PPP2R3A: variants seen among roughly 807,000 people sequenced by gnomAD.
PPP2R3A encodes the protein serine/threonine-protein phosphatase 2A regulatory subunit B'' subunit alpha.
A neutral mutation model predicts 106.9 loss-of-function variants in PPP2R3A; 80 were observed. The observed-to-expected ratio is 0.75, with a 90% confidence interval of 0.62 to 0.90. PPP2R3A has a LOEUF of 0.90. Ranked by LOEUF, PPP2R3A falls within the 40% of genes least tolerant of loss-of-function variation. PPP2R3A has a pLI of 0.00. For synonymous variants in PPP2R3A, 483 were observed against 468.3 expected (o/e 1.03, Z -0.41); for missense variants, 1,386 against 1,350.4 (o/e 1.03, Z -0.41).
At chr3:136,093,706 C>T (rs1937151156) in intron 10 of PPP2R3A, among the ~76,000 whole-genome samples, 1 of 152,094 alleles carries the variant, frequency 6.6e-6, no homozygotes, top group African/African-American at 2.4e-5. Context: ...AATGAGATAC[C>T]ACTTCACACT....
At chr3:136,041,250 G>GGTTTTTTTTTTTTTTTTTTTTTT (rs1559884277) in intron 4 of PPP2R3A, among the ~76,000 whole-genome samples, 1 of 56,588 alleles carries the variant, frequency 1.8e-5, no homozygotes, top group Non-Finnish European at 3.7e-5. Context: ...TTTTTTTTTT[G>GGTTTTTTTTTTTTTTTTTTTTTT]TTTTTTTTTT....
intron 13 of PPP2R3A, among the ~76,000 whole-genome samples, chr3:136,134,477 T>G (rs1938531243): frequency 6.6e-6 from 1 of 152,178 alleles, no homozygotes. Context: ...GTTAAATAAG[T>G]CATGGTATCT....
chr3:136,118,479 C>T (rs1271598578), intron 13 of PPP2R3A, among the ~76,000 whole-genome samples: 1 of 152,188 alleles, frequency 6.6e-6, no homozygotes, highest in Non-Finnish European at 1.5e-5. Context: ...TAGAAAACCC[C>T]ATCATCTCAG....
chr3:136,136,060 AAAAAAAAAAAAAATTATAT>A lies in PPP2R3A; in HGVS notation c.3330-8981_3330-8963del, dbSNP rs1411771028. Among the ~76,000 whole-genome samples the A allele has an allele frequency of 9.5e-3, 467 of 48,954 alleles. 26 individuals carry two copies. Among genetic ancestry groups the A allele is most frequent in the East Asian group, 0.066 (76 of 1,144 alleles). The allele number at this position is 48,954 out of a possible 152,430, so 32.1% of individuals were successfully genotyped here. The stretch of plus-strand genomic sequence containing the variant: ...GACTCCGTCTCAAAAAAAAAAAAAA[AAAAAAAAAAAAAATTATAT>A]ATATATATATATATAAAAAACATCA... On this transcript the variant is annotated intron_variant, in intron 13 of 13. Transcript: ENST00000264977.
chr3:136,037,330 T>C (rs1935120245), intron 3 of PPP2R3A, among the ~76,000 whole-genome samples: 2 of 152,126 alleles, frequency 1.3e-5, no homozygotes, highest in South Asian at 4.1e-4. Context: ...CTTTAAGTAA[T>C]GATAGAGAAG....
chr3:136,045,249 T>A (rs1476974052), intron 4 of PPP2R3A, among the ~76,000 whole-genome samples: 1 of 152,176 alleles, frequency 6.6e-6, no homozygotes, highest in Non-Finnish European at 1.5e-5. Flanking sequence ...GCGCTTTTAC[T>A]GGTGGCCTGG....
At chr3:136,026,637 T>TGGCAGATAATTAATAAATTA (rs964879201) in intron 2 of PPP2R3A, among the ~76,000 whole-genome samples, 195 bp from the exon 3 acceptor site, 2 of 152,176 alleles carry the variant, frequency 1.3e-5, no homozygotes, top group Admixed American at 1.3e-4. Context: ...ACTTGAGTAC[T>TGGCAGATAATTAATAAATTA]GGCAGATAAT....
Position 136,003,464 on chromosome 3 carries a change from T to G in PPP2R3A, c.1966T>G (p.Leu656Val). 5.6e-6 allele frequency: 9 copies of G among 1,612,572 alleles called. No individual in the cohort carries two copies. The highest frequency in any genetic ancestry group is 6.8e-6 in the Non-Finnish European group (8 of 1,179,392). Reference sequence around the variant, plus strand: ...AGCCAAAGATACTACTTCAGCAGTTTTGATTCAGCAGACTCCAGAGGTGAT... The same window carrying G: ...AGCCAAAGATACTACTTCAGCAGTTGTGATTCAGCAGACTCCAGAGGTGAT... Reference protein sequence around the residue: ...DKAKDTTSAVLIQQTPEVIKI... With the variant: ...DKAKDTTSAVVIQQTPEVIKI... The change falls in exon 2 of 14, where the codon TTG (leucine) becomes GTG (valine). Residue 656 changes from leucine to valine, a missense_variant. By Grantham distance (32) the Leu-to-Val change is conservative (BLOSUM62 1). Coordinates refer to ENST00000264977, the MANE Select transcript of PPP2R3A (RefSeq NM_002718.5).
chr3:136,125,274 C>T (rs561358379), intron 13 of PPP2R3A, among the ~76,000 whole-genome samples: 91 of 152,182 alleles, frequency 6.0e-4, no homozygotes, highest in African/African-American at 2.0e-3. Flanking sequence ...GAGCTGAGAT[C>T]GTGCCATTGC....
chr3:136,000,287 T>C (rs1401348752), intron 1 of PPP2R3A, among the ~76,000 whole-genome samples: 1 of 152,214 alleles, frequency 6.6e-6, no homozygotes, highest in Non-Finnish European at 1.5e-5. Flanking sequence ...CCCTAGTGTA[T>C]ACAAAGAACC....
intron 5 of PPP2R3A, 121 bp from the exon 6 acceptor site, chr3:136,070,352 TAAGTG>T (rs1936388599): frequency 1.6e-6 from 1 of 620,652 alleles, no homozygotes; most frequent in Admixed American, 3.7e-5. Flanking sequence ...AATTAAATTT[TAAGTG>T]CATTATTCAT....
At chr3:136,014,148 G>T (rs1267621984) in intron 2 of PPP2R3A, among the ~76,000 whole-genome samples, 4 of 152,124 alleles carry the variant, frequency 2.6e-5, no homozygotes, top group Admixed American at 1.3e-4. Flanking sequence ...TCAGTTGGTT[G>T]TAAGTATTTG....
intron 13 of PPP2R3A, among the ~76,000 whole-genome samples, chr3:136,120,137 G>C (rs777319372): frequency 2.4e-4 from 37 of 151,970 alleles, no homozygotes; most frequent in Middle Eastern, 3.4e-3. Flanking sequence ...CCTGTCCGGG[G>C]GGGGTGGGGG....
Position 136,002,088 on chromosome 3 carries a change from T to A in PPP2R3A, c.590T>A (p.Leu197Gln), listed in dbSNP as rs1933649200. 6.2e-7 allele frequency: 1 copy of A among 1,614,022 alleles called. No homozygotes were observed. The highest frequency in any genetic ancestry group is 1.1e-5 in the South Asian group (1 of 91,076). Residue 197 changes from leucine to glutamine, a missense_variant, in exon 2 of 14, where the codon CTG becomes CAG. Physicochemically the swap from Leu to Gln is moderately radical, Grantham distance 113. Transcript: ENST00000264977. ...CATAGAAACTCACTGGATACGAACC[T>A]GACTTCCATGTTTCTTCAAAACTTT... is the stretch of plus-strand genomic sequence containing the variant. The part of the protein sequence containing the change: ...LSHRNSLDTN[L>Q]TSMFLQNFSE...
chr3:136,087,507 AC>A (rs1340482462), intron 8 of PPP2R3A: 1 of 160,110 alleles, frequency 6.2e-6, no homozygotes, highest in Non-Finnish European at 1.4e-5. Flanking sequence ...GTTTTATTTT[AC>A]ATTGTTTTAG....
At chr3:136,019,139 A>G (rs1055760387) in intron 2 of PPP2R3A, among the ~76,000 whole-genome samples, 3 of 152,250 alleles carry the variant, frequency 2.0e-5, no homozygotes, top group African/African-American at 7.2e-5. Flanking sequence ...TCTGCAGGCC[A>G]AGAAGAGATG....
chr3:136,050,290 A>G (rs1197734661), intron 5 of PPP2R3A, among the ~76,000 whole-genome samples: 6 of 152,214 alleles, frequency 3.9e-5, no homozygotes, highest in African/African-American at 9.6e-5. Context: ...TAAAAAAAGG[A>G]TAAGTCTCAG....
At chr3:136,140,005 CAAA>C (rs370749523) in intron 13 of PPP2R3A, among the ~76,000 whole-genome samples, 6 of 84,218 alleles carry the variant, frequency 7.1e-5, no homozygotes, top group Admixed American at 4.2e-4. Context: ...GACTCTGTCT[CAAA>C]AAAAAAAAAA....
chr3:135,989,488 G>T (rs1484799970), intron 1 of PPP2R3A, among the ~76,000 whole-genome samples: 2 of 151,198 alleles, frequency 1.3e-5, no homozygotes, highest in East Asian at 3.9e-4. Flanking sequence ...CATTTATAGT[G>T]TGTGTTGGGT....
Sources: gnomAD v4.1 joint callset for allele counts (sites outside exome capture counted in the v4.1 genomes callset) on GRCh38, gnomAD v4.1.1 for gene constraint, MANE v1.5 for transcripts, NCBI Gene and HGNC (gene_info 2026-07-23, HGNC 2026-07-21) for gene names.